TAS2R1: variants seen among roughly 807,000 people sequenced by gnomAD.
The protein encoded by TAS2R1 is taste 2 receptor member 1.
For synonymous variants in TAS2R1, 141 were observed against 134.2 expected, an observed-to-expected ratio of 1.05 and a Z score of -0.35; for missense variants, 370 against 353.4, an observed-to-expected ratio of 1.05 and a Z score of -0.38.
At chr5:9,791,121 C>T in the TAS2R1 span, among the ~76,000 whole-genome samples, 1 of 152,252 alleles carries the variant, frequency 6.6e-6, no homozygotes, top group East Asian at 1.9e-4. Flanking sequence ...CATATGCTCA[C>T]TAAGTTAGAT....
chr5:9,702,378 G>T (rs993834518), intron 1 of TAS2R1, among the ~76,000 whole-genome samples: 1 of 152,134 alleles, frequency 6.6e-6, no homozygotes, highest in African/African-American at 2.4e-5. Context: ...GGAGAGGGTT[G>T]CAACTGGCAT....
chr5:9,805,185 T>G, the TAS2R1 span, among the ~76,000 whole-genome samples: 1 of 151,900 alleles, frequency 6.6e-6, no homozygotes, highest in Admixed American at 6.6e-5. Flanking sequence ...TCCTCCTAAA[T>G]TAAATGAGGA....
chr5:9,645,956 G>T (rs1740178402), intron 2 of TAS2R1, among the ~76,000 whole-genome samples: 1 of 152,090 alleles, frequency 6.6e-6, no homozygotes, highest in Non-Finnish European at 1.5e-5. Flanking sequence ...GCTTGAGACG[G>T]TTTTTTGTCA....
the TAS2R1 span, among the ~76,000 whole-genome samples, chr5:9,773,069 G>A: frequency 6.6e-6 from 1 of 151,718 alleles, no homozygotes; most frequent in Admixed American, 6.6e-5. Context: ...GTTGTCTTGT[G>A]GTCTTCTTTT....
the TAS2R1 span, among the ~76,000 whole-genome samples, chr5:9,816,190 C>T: frequency 5.9e-5 from 9 of 152,050 alleles, 1 homozygote; most frequent in Middle Eastern, 3.4e-3. Context: ...GTCAGCTATA[C>T]ACTGTTTTGA....
chr5:9,891,642 T>G, the TAS2R1 span, among the ~76,000 whole-genome samples: 102 of 152,064 alleles, frequency 6.7e-4, 1 homozygote, highest in African/African-American at 2.3e-3. Flanking sequence ...ATCCAAAAAG[T>G]AAATTGAGCA....
At chr5:9,667,257 G>A (rs1740653106) in intron 1 of TAS2R1, among the ~76,000 whole-genome samples, 1 of 152,154 alleles carries the variant, frequency 6.6e-6, no homozygotes, top group Non-Finnish European at 1.5e-5. Flanking sequence ...ACACCCTGAT[G>A]GCAGGGTGGG....
the TAS2R1 span, among the ~76,000 whole-genome samples, chr5:9,857,314 C>T: frequency 2.0e-5 from 3 of 152,028 alleles, no homozygotes; most frequent in Non-Finnish European, 2.9e-5. Context: ...AAAAGTTAAA[C>T]GTTTGAAAGA....
At chr5:9,698,729 T>A (rs1395688411) in intron 1 of TAS2R1, among the ~76,000 whole-genome samples, 1 of 152,162 alleles carries the variant, frequency 6.6e-6, no homozygotes, top group African/African-American at 2.4e-5. Flanking sequence ...GGAAATGCCA[T>A]CTGGTGCCGT....
the TAS2R1 span, among the ~76,000 whole-genome samples, chr5:9,813,646 T>C: frequency 6.6e-6 from 1 of 152,212 alleles, no homozygotes; most frequent in African/African-American, 2.4e-5. Flanking sequence ...ACAGTATAGA[T>C]TCCTTAGCCT....
the TAS2R1 span, among the ~76,000 whole-genome samples, chr5:9,865,214 A>G: frequency 6.6e-6 from 1 of 152,278 alleles, no homozygotes; most frequent in African/African-American, 2.4e-5. Flanking sequence ...GTCCTGGATG[A>G]GGGTATGAAT....
the TAS2R1 span, among the ~76,000 whole-genome samples, chr5:9,893,442 T>G: frequency 5.3e-5 from 8 of 151,838 alleles, no homozygotes; most frequent in Admixed American, 3.9e-4. Context: ...ACTTCTTCGC[T>G]CAGATGGTTG....
intron 2 of TAS2R1, chr5:9,658,291 A>G (rs1488674877): frequency 6.6e-6 from 1 of 152,216 alleles, no homozygotes; most frequent in African/African-American, 2.4e-5. Flanking sequence ...CCTGTGTCTC[A>G]GAGAGGTTAA....
the TAS2R1 span, among the ~76,000 whole-genome samples, chr5:9,756,910 A>T: frequency 6.6e-6 from 1 of 152,194 alleles, no homozygotes; most frequent in Non-Finnish European, 1.5e-5. Context: ...AAAGAACCTT[A>T]GTTCTTTCAC....
chr5:9,779,372 C>T, the TAS2R1 span, among the ~76,000 whole-genome samples: 2 of 152,218 alleles, frequency 1.3e-5, no homozygotes, highest in Non-Finnish European at 2.9e-5. Flanking sequence ...TTATAAATTA[C>T]TCAGTGTCAG....
At chr5:9,844,272 C>T in the TAS2R1 span, among the ~76,000 whole-genome samples, 9 of 152,114 alleles carry the variant, frequency 5.9e-5, no homozygotes, top group South Asian at 2.1e-4. Flanking sequence ...CTTCCCATTG[C>T]TAATAGGAAA....
At chr5:9,694,358 A>C (rs553283851) in intron 1 of TAS2R1, among the ~76,000 whole-genome samples, 69 of 152,202 alleles carry the variant, frequency 4.5e-4, no homozygotes, top group Non-Finnish European at 9.4e-4. Flanking sequence ...TAAACCAAAA[A>C]TGACTTATTG....
chr5:9,830,177 T>TTGGATGGATGGACGGATGGATGGA, the TAS2R1 span, among the ~76,000 whole-genome samples: 1 of 132,504 alleles, frequency 7.5e-6, no homozygotes, highest in African/African-American at 2.5e-5. Context: ...AGAGAACAGA[T>TTGGATGGATGGACGGATGGATGGA]TGGATGGATG....
the TAS2R1 span, among the ~76,000 whole-genome samples, chr5:9,842,986 T>A: frequency 0.24 from 35,986 of 151,982 alleles, 4,506 homozygotes; most frequent in African/African-American, 0.33. Context: ...TTTATAAGAA[T>A]CTAGCATCTC....
Sources: gnomAD v4.1 joint callset for allele counts (sites outside exome capture counted in the v4.1 genomes callset) on GRCh38, gnomAD v4.1.1 for gene constraint, MANE v1.5 for transcripts, NCBI Gene and HGNC (gene_info 2026-07-23, HGNC 2026-07-21) for gene names.